The following EPM2A variants were observed in gnomAD, a reference collection of about 807,000 sequenced individuals.
EPM2A encodes the protein EPM2A glucan phosphatase, laforin, also known as laforin.
A neutral mutation model predicts 26.5 loss-of-function variants in EPM2A; 21 were observed. The ratio of observed to expected loss-of-function variants is 0.79; its 90% CI spans 0.56 to 1.14. EPM2A has a LOEUF of 1.14. Ranked by LOEUF, EPM2A falls within the 50% of genes most tolerant of loss-of-function variation. The pLI is 0.00. For synonymous variants in EPM2A, 217 were observed against 177.6 expected, an observed-to-expected ratio of 1.22 and a Z score of -1.76; for missense variants, 458 against 440.8, an observed-to-expected ratio of 1.04 and a Z score of -0.35.
intron 4 of EPM2A, among the ~76,000 whole-genome samples, chr6:145,409,599 A>C (rs1277370505): frequency 6.6e-6 from 1 of 152,182 alleles, no homozygotes; most frequent in Non-Finnish European, 1.5e-5. Context: ...TAATTATTTA[A>C]AGCATCACCC....
Position 145,681,796 on chromosome 6 carries a change from C to G in EPM2A, c.476+4326G>C, listed in dbSNP as rs763179325. ...CTCTATGGAGACAGGTGCTTGTCAG[C>G]TTATATATGCATCTGAATATTGAGA... On this transcript the variant is annotated intron_variant, in intron 2 of 3. Transcript: ENST00000367519. 2.0e-5 allele frequency among the ~76,000 whole-genome samples: 3 copies of G among 152,242 alleles called. No individual in the cohort carries two copies. The South Asian group carries it at 6.2e-4, about 32-fold the overall frequency.
At chr6:145,421,380 A>G (rs1452235838) in intron 4 of EPM2A, among the ~76,000 whole-genome samples, 1 of 152,126 alleles carries the variant, frequency 6.6e-6, no homozygotes, top group African/African-American at 2.4e-5. Flanking sequence ...TTTGGAAGTA[A>G]TGAAGGGAGT....
At chr6:145,442,342 A>G (rs1562336250) in intron 4 of EPM2A, among the ~76,000 whole-genome samples, 3 of 152,176 alleles carry the variant, frequency 2.0e-5, no homozygotes, top group African/African-American at 7.2e-5. Flanking sequence ...CACACCACTG[A>G]TAAAGACATA....
At chr6:145,541,684 A>G (rs1780512803) in intron 2 of EPM2A, among the ~76,000 whole-genome samples, 1 of 152,188 alleles carries the variant, frequency 6.6e-6, no homozygotes, top group Admixed American at 6.5e-5. Flanking sequence ...TGAATGAAGC[A>G]GAATGAAGAA....
At chr6:145,506,969 A>G (rs528074333) in intron 2 of EPM2A, among the ~76,000 whole-genome samples, 2 of 152,348 alleles carry the variant, frequency 1.3e-5, no homozygotes, top group African/African-American at 4.8e-5. Flanking sequence ...AGCAGTCAAC[A>G]GGTGCCTGGT....
intron 4 of EPM2A, among the ~76,000 whole-genome samples, chr6:145,479,445 G>C (rs1779586675): frequency 6.6e-6 from 1 of 151,518 alleles, no homozygotes; most frequent in South Asian, 2.1e-4. Flanking sequence ...CAACAACTAT[G>C]TATTCCCATA....
intron 1 of EPM2A, among the ~76,000 whole-genome samples, chr6:145,696,705 C>G (rs926981402): frequency 6.7e-6 from 1 of 149,584 alleles, no homozygotes; most frequent in East Asian, 2.0e-4. Flanking sequence ...TTTGGAGGAT[C>G]AGGAAAGAAA....
At chr6:145,583,799 C>T (rs1480453723) in intron 2 of EPM2A, among the ~76,000 whole-genome samples, 1 of 151,952 alleles carries the variant, frequency 6.6e-6, no homozygotes, top group Non-Finnish European at 1.5e-5. Flanking sequence ...AAGAGGGATG[C>T]CTGTATCCGT....
Position 145,618,656 on chromosome 6 carries a change from G to A in EPM2A, c.340+16589C>T, listed in dbSNP as rs185207214. Among the ~76,000 whole-genome samples the A allele has an allele frequency of 7.9e-5, 12 of 152,246 alleles. No homozygotes were observed. In the East Asian group the frequency reaches 1.7e-3, roughly 22 times the overall value. On this transcript the variant is annotated intron_variant, in intron 2 of 3. Coordinates refer to the EPM2A transcript ENST00000450221. ...AGGTGGTGTTTGCTTCTCCTTCTGC[G>A]ATGATCATAAGTTTCCTTAGGCCTC...
intron 2 of EPM2A, among the ~76,000 whole-genome samples, chr6:145,618,686 G>A (rs1312407368): frequency 6.6e-6 from 1 of 152,164 alleles, no homozygotes; most frequent in African/African-American, 2.4e-5. Context: ...GGCCTCCCAG[G>A]CCATGCTAAA....
intron 2 of EPM2A, among the ~76,000 whole-genome samples, chr6:145,611,546 G>T (rs1330831902): frequency 6.6e-6 from 1 of 151,926 alleles, no homozygotes; most frequent in African/African-American, 2.4e-5. Context: ...TACCTTTAGA[G>T]AAAGTGATAT....
rs187192744 is a variant in EPM2A, at chr6:145,386,524, A to T, written c.556-2427T>A. 4.9e-4 allele frequency among the ~76,000 whole-genome samples: 74 copies of T among 152,264 alleles called. 1 individual carries two copies. The highest frequency in any genetic ancestry group is 1.7e-3 in the African/African-American group (69 of 41,554). On this transcript the variant is annotated intron_variant, in intron 4 of 4. Transcript: ENST00000638717. Reference sequence around the variant, plus strand: ...AGCCGTCACTAGATATTCCATTGGGAGTTTGACCTGTTAAAGCTATCTTTA... The same window carrying T: ...AGCCGTCACTAGATATTCCATTGGGTGTTTGACCTGTTAAAGCTATCTTTA...
intron 4 of EPM2A, among the ~76,000 whole-genome samples, chr6:145,386,778 G>A (rs1005169259): frequency 6.6e-6 from 1 of 151,990 alleles, no homozygotes; most frequent in African/African-American, 2.4e-5. Flanking sequence ...TAGAAACCAG[G>A]GATATGAGCC....
chr6:145,464,299 C>T (rs1240903154), intron 4 of EPM2A, among the ~76,000 whole-genome samples: 1 of 152,136 alleles, frequency 6.6e-6, no homozygotes, highest in Non-Finnish European at 1.5e-5. Flanking sequence ...TCTGAGGCCT[C>T]CCCAGCCATG....
At chr6:145,518,767 C>T (rs1469774851) in intron 2 of EPM2A, among the ~76,000 whole-genome samples, 1 of 152,034 alleles carries the variant, frequency 6.6e-6, no homozygotes, top group Non-Finnish European at 1.5e-5. Context: ...CTATTCCTGC[C>T]CCTTACTATC....
chr6:145,685,121 T>A (rs1201083375), intron 2 of EPM2A, among the ~76,000 whole-genome samples: 2 of 152,216 alleles, frequency 1.3e-5, no homozygotes, highest in African/African-American at 4.8e-5. Flanking sequence ...TTTTAAATGT[T>A]GGCAATTGCT....
chr6:145,717,746 A>C (rs1775717273), intron 1 of EPM2A, among the ~76,000 whole-genome samples: 1 of 149,744 alleles, frequency 6.7e-6, no homozygotes, highest in Non-Finnish European at 1.5e-5. Flanking sequence ...AATCTCCTTA[A>C]GCTGATAAGC....
intron 4 of EPM2A, among the ~76,000 whole-genome samples, chr6:145,399,580 A>G (rs1403280780): frequency 6.6e-6 from 1 of 152,190 alleles, no homozygotes; most frequent in African/African-American, 2.4e-5. Context: ...ATTGCTGAAA[A>G]GAGTGCAAAA....
intron 2 of EPM2A, among the ~76,000 whole-genome samples, chr6:145,519,588 C>A (rs1780176722): frequency 6.6e-6 from 1 of 152,102 alleles, no homozygotes; most frequent in African/African-American, 2.4e-5. Context: ...GAGAAGTTTT[C>A]ACTGAGGATG....
Sources: gnomAD v4.1 joint callset for allele counts (sites outside exome capture counted in the v4.1 genomes callset) on GRCh38, gnomAD v4.1.1 for gene constraint, MANE v1.5 for transcripts, NCBI Gene and HGNC (gene_info 2026-07-23, HGNC 2026-07-21) for gene names.